The following PTPRD variants were observed in gnomAD, a reference collection of about 807,000 sequenced individuals.
PTPRD encodes the protein protein tyrosine phosphatase receptor type D.
A neutral mutation model predicts 214.5 loss-of-function variants in PTPRD; 34 were observed. That is an observed-to-expected ratio of 0.16 (90% CI 0.12 to 0.21). The LOEUF is 0.21. Ranked by LOEUF, PTPRD falls within the 10% of genes least tolerant of loss-of-function variation. The probability of loss-of-function intolerance (pLI) is 1.00; values close to 1 mark genes in which losing one functional copy is unlikely to be tolerated. For missense variants in PTPRD, 2,545 were observed against 2,398.7 expected, an observed-to-expected ratio of 1.06 and a Z score of -1.27; for synonymous variants, 1,128 against 845.7, an observed-to-expected ratio of 1.33 and a Z score of -5.79.
At chr9:9,264,145 A>T (rs1167171754) in intron 9 of PTPRD, among the ~76,000 whole-genome samples, 1 of 151,684 alleles carries the variant, frequency 6.6e-6, no homozygotes, top group Non-Finnish European at 1.5e-5. Context: ...CAAGACTTCG[A>T]TGAAAATATT....
At chr9:10,545,525 A>G (rs1022967113) in intron 2 of PTPRD, among the ~76,000 whole-genome samples, 2 of 152,068 alleles carry the variant, frequency 1.3e-5, no homozygotes, top group African/African-American at 2.4e-5. Context: ...TTGTTTATTT[A>G]TTGATTGATT....
At chr9:10,128,550 A>G (rs530792554) in intron 3 of PTPRD, among the ~76,000 whole-genome samples, 2 of 152,306 alleles carry the variant, frequency 1.3e-5, no homozygotes, top group East Asian at 3.9e-4. Context: ...ATTTTGATCT[A>G]GGACTTTCAG....
rs10958828 is a variant in PTPRD at position 10,025,344 on chromosome 9, C to G, written c.-472+8374G>C. Among the ~76,000 whole-genome samples the G allele has an allele frequency of 2.0e-5, 3 of 152,090 alleles. No homozygotes were observed. In the East Asian group the frequency reaches 5.8e-4, roughly 29 times the overall value. Reference sequence around the variant, plus strand: ...CATTCTAACTGGTGCGAGATGGTATCTGAACTGCTTACACATTTCCAATGT... The same window carrying G: ...CATTCTAACTGGTGCGAGATGGTATGTGAACTGCTTACACATTTCCAATGT... On this transcript the variant is annotated intron_variant, in intron 4 of 45. Transcript: ENST00000381196.
At chr9:9,947,927 G>C (rs898508900) in intron 4 of PTPRD, among the ~76,000 whole-genome samples, 4 of 151,796 alleles carry the variant, frequency 2.6e-5, no homozygotes, top group African/African-American at 9.7e-5. Context: ...GAGCAGATCA[G>C]TAGGGAACTT....
chr9:9,587,709 G>A (rs1017174931), intron 7 of PTPRD, among the ~76,000 whole-genome samples: 6 of 151,910 alleles, frequency 3.9e-5, no homozygotes, highest in African/African-American at 1.4e-4. Flanking sequence ...CTGTTCTGGG[G>A]ATCTGGATGG....
chr9:9,328,822 G>A (rs2041176689), intron 9 of PTPRD, among the ~76,000 whole-genome samples: 1 of 150,244 alleles, frequency 6.7e-6, no homozygotes, highest in East Asian at 1.9e-4. Context: ...TTTTTAAGTG[G>A]AGACAGGGTT....
intron 3 of PTPRD, among the ~76,000 whole-genome samples, chr9:10,197,742 G>C (rs753276790): frequency 3.9e-5 from 6 of 152,082 alleles, no homozygotes; most frequent in Non-Finnish European, 5.9e-5. Context: ...GAGATATGCA[G>C]TTTATAGAGA....
At chr9:10,441,912 T>C (rs1338469934) in intron 2 of PTPRD, among the ~76,000 whole-genome samples, 1 of 151,640 alleles carries the variant, frequency 6.6e-6, no homozygotes, top group Non-Finnish European at 1.5e-5. Context: ...TGGCTATCAG[T>C]TGACAAGACT....
intron 8 of PTPRD, among the ~76,000 whole-genome samples, chr9:9,547,687 C>A (rs1238591845): frequency 2.0e-5 from 3 of 151,714 alleles, no homozygotes; most frequent in African/African-American, 7.3e-5. Context: ...TTCTGACAAT[C>A]CAAAAGAAAA....
chr9:10,239,023 G>A (rs1286124157), intron 3 of PTPRD, among the ~76,000 whole-genome samples: 2 of 151,804 alleles, frequency 1.3e-5, no homozygotes. Context: ...TATCCTATTG[G>A]GCAACAAGGG....
intron 14 of PTPRD, among the ~76,000 whole-genome samples, chr9:8,529,714 T>A (rs1395113908): frequency 4.6e-5 from 7 of 152,170 alleles, no homozygotes; most frequent in Admixed American, 4.6e-4. Context: ...AGGTGTGTTC[T>A]ATCTAAGCAT....
At chr9:10,113,987 G>A in intron 3 of PTPRD, among the ~76,000 whole-genome samples, 1 of 152,150 alleles carries the variant, frequency 6.6e-6, no homozygotes, top group African/African-American at 2.4e-5. Flanking sequence ...TACTCTTATA[G>A]ATTCTGATTT....
chr9:8,816,670 G>A (rs972246927), intron 11 of PTPRD, among the ~76,000 whole-genome samples: 12 of 152,164 alleles, frequency 7.9e-5, no homozygotes, highest in Non-Finnish European at 1.2e-4. Flanking sequence ...TACCCTGTTA[G>A]AGATGGAAGA....
intron 5 of PTPRD, among the ~76,000 whole-genome samples, chr9:9,865,259 C>G (rs2063689286): frequency 6.6e-6 from 1 of 152,160 alleles, no homozygotes; most frequent in African/African-American, 2.4e-5. Context: ...TTCCAAAAGT[C>G]ACGTTGAAAC....
At chr9:9,776,094 T>C (rs537720237) in intron 5 of PTPRD, among the ~76,000 whole-genome samples, 2 of 152,202 alleles carry the variant, frequency 1.3e-5, no homozygotes, top group South Asian at 4.1e-4. Context: ...CCTGCCTTGC[T>C]CAGCAGTCTT....
At chr9:8,958,634 A>G (rs1215640863) in intron 11 of PTPRD, 1 of 152,002 alleles carries the variant, frequency 6.6e-6, no homozygotes, top group African/African-American at 2.4e-5. Context: ...ACGGACACAT[A>G]GTTGGATTTG....
chr9:8,483,015 A>G (rs1441000333), intron 30 of PTPRD, among the ~76,000 whole-genome samples: 1 of 152,184 alleles, frequency 6.6e-6, no homozygotes, highest in African/African-American at 2.4e-5. Flanking sequence ...CTCTCACTCT[A>G]TGGTAAGGTC....
At chr9:9,260,707 T>C (rs2099979730) in intron 9 of PTPRD, among the ~76,000 whole-genome samples, 1 of 151,898 alleles carries the variant, frequency 6.6e-6, no homozygotes, top group African/African-American at 2.4e-5. Context: ...AAATATTTAT[T>C]GGAAACTTCA....
chr9:8,759,747 GAAGTA>G (rs2094287910), intron 11 of PTPRD, among the ~76,000 whole-genome samples: 1 of 151,834 alleles, frequency 6.6e-6, no homozygotes, highest in Non-Finnish European at 1.5e-5. Flanking sequence ...TTCTGCTGAG[GAAGTA>G]AAACATTCAC....
Sources: allele counts gnomAD v4.1 joint callset (sites outside exome capture counted in the v4.1 genomes callset), GRCh38; gene constraint gnomAD v4.1.1; transcripts MANE v1.5; gene names NCBI Gene and HGNC (gene_info 2026-07-23, HGNC 2026-07-21).